The following SEMA4A variants were observed in gnomAD, a reference collection of about 807,000 sequenced individuals.
The protein encoded by SEMA4A is semaphorin-4A.
Under a neutral mutation model 72.5 loss-of-function variants are expected in SEMA4A, and 52 were observed. That is an observed-to-expected ratio of 0.72 (90% CI 0.57 to 0.90). The LOEUF (loss-of-function observed/expected upper bound fraction) is 0.90, where lower values mean the gene tolerates loss of function less well. Among genes scored for constraint, SEMA4A ranks in the 40% least tolerant of loss-of-function variants. The pLI, the probability that SEMA4A is intolerant of heterozygous loss-of-function variation, is 0.00. For synonymous variants in SEMA4A, 369 were observed against 393.1 expected (o/e 0.94, Z 0.73); for missense variants, 926 against 959.7 (o/e 0.96, Z 0.46).
Position 156,156,509 on chromosome 1 carries a change from G to C in SEMA4A, c.235G>C (p.Gly79Arg), listed in dbSNP as rs756966659. 3.1e-6 allele frequency: 5 copies of C among 1,613,978 alleles called. No homozygotes were observed. Among genetic ancestry groups the C allele is most frequent in the Admixed American group, 3.3e-5 (2 of 59,972 alleles). The stretch of plus-strand genomic sequence containing the variant: ...TGGTGATGGAAATACTCTCTACGTG[G>C]GGGCTCGAGAAGCCATTCTGGCCTT... ...LSGDGNTLYVGAREAILALDI... is the reference protein window; with the variant it reads ...LSGDGNTLYVRAREAILALDI... Residue 79 changes from glycine to arginine, a missense_variant, in exon 3 of 15, where the codon GGG (glycine) becomes CGG (arginine). Transcript: ENST00000368285.
chr1:156,166,823 G>A (rs900475623), intron 10 of SEMA4A, among the ~76,000 whole-genome samples: 19 of 152,200 alleles, frequency 1.2e-4, no homozygotes, highest in East Asian at 1.9e-4. Flanking sequence ...CAGCTACTCC[G>A]GAGGCTGAGG....
Position 156,170,933 on chromosome 1 carries a change from TA to T in SEMA4A, c.1135-1883del, listed in dbSNP as rs374669850. 1.0e-3 allele frequency among the ~76,000 whole-genome samples: 148 copies of T among 146,276 alleles called. 1 individual carries two copies. The highest frequency in any genetic ancestry group is 1.8e-3 in the Non-Finnish European group (116 of 65,674). On this transcript the variant is annotated intron_variant, in intron 10 of 14. Coordinates refer to ENST00000368285, the MANE Select transcript of SEMA4A (RefSeq NM_022367.4). The stretch of plus-strand genomic sequence containing the variant: ...GACCCTGTTTCAAAAAACAATTTTT[TA>T]AAAAAAAAACCCTTTGACCTATAAT...
chr1:156,155,021 C>A (rs1652885130), intron 2 of SEMA4A: 1 of 442,368 alleles, frequency 2.3e-6, no homozygotes, highest in African/African-American at 2.0e-5. Context: ...ATCACTGTCA[C>A]CAAGCTGGGC....
rs1322421996 is a variant in SEMA4A, at chr1:156,158,579, T to C, written c.462+93T>C. ...TCTGTAGCTCTGGAAAACTCTGGCC[T>C]TCCAGATGCAGGACCCTCATGAACT... On this transcript the variant is annotated intron_variant, in intron 5 of 14. Coordinates refer to ENST00000368285, the MANE Select transcript of SEMA4A (RefSeq NM_022367.4). The C allele has an allele frequency of 2.3e-6, 3 of 1,330,088 alleles. No homozygotes were observed. In the Admixed American group the frequency reaches 5.0e-5, roughly 22 times the overall value. 82.4% of individuals were successfully genotyped at this position (1,330,088 alleles called of 1,614,324 possible).
chr1:156,163,616 G>A (rs1203885529), intron 10 of SEMA4A, among the ~76,000 whole-genome samples: 1 of 150,774 alleles, frequency 6.6e-6, no homozygotes, highest in African/African-American at 2.4e-5. Flanking sequence ...CAGCTACTGG[G>A]AGGCTGAGGC....
At chr1:156,159,139 G>T in intron 6 of SEMA4A, 1 of 376,630 alleles carries the variant, frequency 2.7e-6, no homozygotes, top group South Asian at 2.5e-5. Context: ...TCTGAGACCA[G>T]CCTGGTAAAC....
At chr1:156,159,108 TG>T in intron 6 of SEMA4A, 1 of 437,316 alleles carries the variant, frequency 2.3e-6, no homozygotes, top group South Asian at 2.2e-5. Flanking sequence ...CTGAGGTGGG[TG>T]GATCATGTGA....
chr1:156,169,932 C>T (rs1049675062), intron 10 of SEMA4A, among the ~76,000 whole-genome samples: 18 of 149,200 alleles, frequency 1.2e-4, no homozygotes, highest in African/African-American at 3.7e-4. Context: ...GACTGAGGCA[C>T]GAGAATTGCT....
At chr1:156,160,247 C>T (rs957803478) in intron 6 of SEMA4A, among the ~76,000 whole-genome samples, 196 bp from the exon 7 acceptor site, 1 of 152,066 alleles carries the variant, frequency 6.6e-6, no homozygotes, top group African/African-American at 2.4e-5. Context: ...ATGGCCATTT[C>T]CTGTGGAGAG....
At position 156,160,437 on chromosome 1, in the gene SEMA4A, C is replaced by G. The variant is rs1329629116; in HGVS notation, c.569-6C>G. The G allele has an allele frequency of 6.2e-7, 1 of 1,607,978 alleles. No individual in the cohort carries two copies. Among genetic ancestry groups the G allele is most frequent in the South Asian group, 1.1e-5 (1 of 90,938 alleles). On this transcript the variant is annotated splice_polypyrimidine_tract_variant and splice_region_variant and intron_variant, in intron 6 of 14. Coordinates refer to ENST00000368285, the MANE Select transcript of SEMA4A (RefSeq NM_022367.4). The stretch of plus-strand genomic sequence containing the variant: ...CAGTTCTCTCTTCTCCTCTCCTCCA[C>G]CCTAGATGGGATGCTCTATTCTGGT...
intron 9 of SEMA4A, 116 bp downstream of exon 9, chr1:156,161,634 A>G (rs1330166670): frequency 9.4e-7 from 1 of 1,064,404 alleles, no homozygotes; most frequent in African/African-American, 1.6e-5. Context: ...GCACTTTCAC[A>G]TAGGAAGGCA....
intron 2 of SEMA4A, chr1:156,154,989 A>G: frequency 2.0e-6 from 1 of 512,442 alleles, no homozygotes; most frequent in Non-Finnish European, 3.5e-6. Flanking sequence ...CATGTTGGTA[A>G]TTTTTCTTTC....
intron 10 of SEMA4A, among the ~76,000 whole-genome samples, chr1:156,165,963 A>G (rs1169389980): frequency 7.4e-6 from 1 of 134,652 alleles, no homozygotes; most frequent in African/African-American, 2.9e-5. Context: ...CTATAGTGCA[A>G]TGGCTCTATC....
intron 4 of SEMA4A, 116 bp from the exon 5 acceptor site, chr1:156,158,272 C>T (rs1029520857): frequency 7.2e-6 from 9 of 1,243,440 alleles, no homozygotes; most frequent in South Asian, 3.6e-5. Flanking sequence ...TCTACAGAGG[C>T]GTACAGGGAC....
In SEMA4A at chr1:156,175,212, C is replaced by G. The variant is rs199580400; in HGVS notation, c.1561C>G (p.Arg521Gly). ...CCACTGTGCCTGGGACCCTGAGTCCCGAACCTGTTGCCTCCTGTCTGCCCC... is the reference window on the plus strand; with the variant it reads ...CCACTGTGCCTGGGACCCTGAGTCCGGAACCTGTTGCCTCCTGTCTGCCCC... ...DPHCAWDPES[R>G]TCCLLSAPNL... Residue 521 changes from arginine to glycine, a missense_variant, in exon 13 of 15, where the codon CGA becomes GGA. By Grantham distance (125) the Arg-to-Gly change is moderately radical (BLOSUM62 -2). Transcript: ENST00000368285. The G allele has an allele frequency of 6.2e-7, 1 of 1,613,528 alleles. No individual in the cohort carries two copies. The highest frequency in any genetic ancestry group is 8.5e-7 in the Non-Finnish European group (1 of 1,179,762).
At chr1:156,174,577 G>T (rs1474394168) in intron 11 of SEMA4A, among the ~76,000 whole-genome samples, 2 of 152,174 alleles carry the variant, frequency 1.3e-5, no homozygotes, top group Non-Finnish European at 2.9e-5. Flanking sequence ...GAAATAGCTG[G>T]GTTTCTCCAG....
chr1:156,158,763 C>A lies in SEMA4A; in HGVS notation c.507C>A (p.Val169=). ...TGTTGCCCATCTCGGAGGACAAGGT[C>A]ATGGAGGGAAAAGGCCAAAGCCCCT... The part of the protein sequence containing the change: ...SYLLPISEDK[V]MEGKGQSPFD... Residue 169 remains valine (V), a synonymous_variant, in exon 6 of 15, where the codon GTC becomes GTA. Transcript: ENST00000368285. 6.2e-7 allele frequency: 1 copy of A among 1,614,030 alleles called. No homozygotes were observed. The highest frequency in any genetic ancestry group is 8.5e-7 in the Non-Finnish European group (1 of 1,179,994).
intron 10 of SEMA4A, among the ~76,000 whole-genome samples, chr1:156,165,303 G>T (rs1397309762): frequency 6.6e-6 from 1 of 151,954 alleles, no homozygotes; most frequent in Non-Finnish European, 1.5e-5. Context: ...GATTCCCTTT[G>T]CCTCTTTCCT....
In SEMA4A at chr1:156,161,308, G is replaced by GCGGGGGT. The variant is rs773462218; in HGVS notation, c.811-36_811-35insGGGGTCG. On this transcript the variant is annotated intron_variant, in intron 8 of 14. Coordinates refer to ENST00000368285, the MANE Select transcript of SEMA4A (RefSeq NM_022367.4). ...GGACACGCGGGGCTGGGGGGTCGGG[G>GCGGGGGT]CGCCCGGGGCGCCCCCTGACTCCCC... The GCGGGGGT allele has an allele frequency of 2.8e-6, 3 of 1,082,014 alleles. 1 individual carries two copies. Among genetic ancestry groups the GCGGGGGT allele is most frequent in the Non-Finnish European group, 3.8e-6 (3 of 792,236 alleles). The allele number at this position is 1,082,014 out of a possible 1,614,324, so 67.0% of individuals were successfully genotyped here. A position where few individuals can be genotyped will look rare whatever the true frequency, so the allele number is the denominator to read the frequency against.
Sources: gnomAD v4.1 joint callset for allele counts (sites outside exome capture counted in the v4.1 genomes callset) on GRCh38, gnomAD v4.1.1 for gene constraint, MANE v1.5 for transcripts, NCBI Gene and HGNC (gene_info 2026-07-23, HGNC 2026-07-21) for gene names.